The following MBD5 variants were observed in gnomAD, a reference collection of about 807,000 sequenced individuals.
MBD5 encodes methyl-CpG-binding domain protein 5.
Under a neutral mutation model 117.3 loss-of-function variants are expected in MBD5, and 13 were observed. That is an observed-to-expected ratio of 0.11 (90% CI 0.07 to 0.18). The LOEUF is 0.18. Among genes scored for constraint, MBD5 ranks in the 10% least tolerant of loss-of-function variants. MBD5 has a pLI of 1.00. For missense variants in MBD5, 1,879 were observed against 2,093.8 expected (o/e 0.90, Z 2.00); for synonymous variants, 727 against 766.4 (o/e 0.95, Z 0.85).
chr2:148,051,327 GGT>G (rs1491095033), intron 1 of MBD5, among the ~76,000 whole-genome samples: 1 of 108,260 alleles, frequency 9.2e-6, no homozygotes, highest in Admixed American at 9.7e-5. Flanking sequence ...GATTCTTCCG[GGT>G]TTTTTATACA....
chr2:148,328,117 G>A (rs1194996569), intron 3 of MBD5, among the ~76,000 whole-genome samples: 2 of 152,170 alleles, frequency 1.3e-5, no homozygotes, highest in East Asian at 3.9e-4. Context: ...GTGTCAGTCT[G>A]CCCCTGCTGG....
In MBD5 at chr2:148,469,549, C is replaced by G. The variant is rs748471992; in HGVS notation, c.1606C>G (p.Pro536Ala). 19 of 1,613,652 alleles carry G rather than the reference C, an allele frequency of 1.2e-5. No homozygotes were observed. The highest frequency in any genetic ancestry group is 3.3e-5 in the Admixed American group (2 of 59,976). The change falls in exon 8 of 14, where the codon CCA becomes GCA. Residue 536 changes from proline (P) to alanine (A), a missense_variant. Pro to Ala is a conservative substitution (Grantham distance 27). This residue lies in a region of MBD5 where 1,666 missense variants were observed against 1,792.2 expected (regional missense o/e 0.93). Transcript: ENST00000642680. ...TGGAATAAGTAATGTACTAAATACCCCAAGCAGTGCAGCTTTTCCTACTGC... is the reference window on the plus strand; with the variant it reads ...TGGAATAAGTAATGTACTAAATACCGCAAGCAGTGCAGCTTTTCCTACTGC... ...IAGISNVLNT[P>A]SSAAFPTASA...
intron 3 of MBD5, among the ~76,000 whole-genome samples, chr2:148,302,077 C>T (rs1701787170): frequency 6.6e-6 from 1 of 152,134 alleles, no homozygotes; most frequent in South Asian, 2.1e-4. Context: ...CCTACTGTAA[C>T]AATACTAGCT....
chr2:148,492,933 A>G (rs1574488489), intron 11 of MBD5, among the ~76,000 whole-genome samples: 1 of 152,002 alleles, frequency 6.6e-6, no homozygotes, highest in East Asian at 1.9e-4. Flanking sequence ...AGGTGAACCA[A>G]TTTTGATGTA....
At chr2:148,408,490 C>G (rs79525517) in intron 4 of MBD5, among the ~76,000 whole-genome samples, 1 of 152,048 alleles carries the variant, frequency 6.6e-6, no homozygotes, top group Admixed American at 6.6e-5. Context: ...TTTGTGTCAT[C>G]AAATAAAAAT....
chr2:148,299,796 C>G (rs1372343184), intron 3 of MBD5, among the ~76,000 whole-genome samples: 1 of 152,160 alleles, frequency 6.6e-6, no homozygotes, highest in African/African-American at 2.4e-5. Context: ...CTGTAGAGTA[C>G]ACTTTAAATG....
intron 1 of MBD5, among the ~76,000 whole-genome samples, chr2:148,041,777 A>T (rs1441230382): frequency 6.6e-6 from 1 of 152,124 alleles, no homozygotes; most frequent in African/African-American, 2.4e-5. Context: ...TCTGCTTTCC[A>T]CCCATCTTTC....
chr2:148,260,925 C>G (rs1700716843), intron 3 of MBD5, among the ~76,000 whole-genome samples: 1 of 152,194 alleles, frequency 6.6e-6, no homozygotes, highest in Non-Finnish European at 1.5e-5. Context: ...CATGAAAACA[C>G]ATTCGTCTCT....
intron 2 of MBD5, among the ~76,000 whole-genome samples, chr2:148,185,848 C>G (rs1347297759): frequency 6.6e-6 from 1 of 152,186 alleles, no homozygotes; most frequent in Non-Finnish European, 1.5e-5. Flanking sequence ...TTTCTAATGA[C>G]TATCTTTTCT....
At chr2:148,402,488 T>C (rs1307369810) in intron 4 of MBD5, among the ~76,000 whole-genome samples, 1 of 151,912 alleles carries the variant, frequency 6.6e-6, no homozygotes, top group African/African-American at 2.4e-5. Flanking sequence ...CCACCAAAAG[T>C]TTTCTTGTAT....
At chr2:148,241,311 T>A (rs1435894208) in intron 3 of MBD5, among the ~76,000 whole-genome samples, 1 of 152,188 alleles carries the variant, frequency 6.6e-6, no homozygotes, top group Non-Finnish European at 1.5e-5. Context: ...CTTAGGTGAC[T>A]TCCTTAGTAT....
chr2:148,444,973 T>G (rs1259753305), intron 4 of MBD5, among the ~76,000 whole-genome samples: 2 of 151,068 alleles, frequency 1.3e-5, no homozygotes, highest in Non-Finnish European at 2.9e-5. Context: ...TTATATAATA[T>G]AAATGCCACT....
chr2:148,442,028 T>A (rs1706341792), intron 4 of MBD5, among the ~76,000 whole-genome samples: 1 of 152,134 alleles, frequency 6.6e-6, no homozygotes, highest in Non-Finnish European at 1.5e-5. Context: ...ATGAGTAGAT[T>A]GCAAAAATTT....
At chr2:148,446,777 T>G (rs1016645101) in intron 4 of MBD5, among the ~76,000 whole-genome samples, 1 of 152,066 alleles carries the variant, frequency 6.6e-6, no homozygotes, top group African/African-American at 2.4e-5. Context: ...AGGATTATTT[T>G]ACCCAGGCTG....
intron 1 of MBD5, among the ~76,000 whole-genome samples, chr2:148,161,319 A>G (rs1404882628): frequency 6.6e-6 from 1 of 152,188 alleles, no homozygotes; most frequent in Non-Finnish European, 1.5e-5. Context: ...TGGACTTAGC[A>G]TCTCATTGAC....
chr2:148,023,857 G>A (rs1693831849), intron 1 of MBD5, among the ~76,000 whole-genome samples: 4 of 151,666 alleles, frequency 2.6e-5, no homozygotes, highest in Admixed American at 2.6e-4. Context: ...TATCTAAGTT[G>A]GATAATGATT....
chr2:148,230,145 TC>T (rs1342800846), intron 2 of MBD5, among the ~76,000 whole-genome samples: 1 of 152,118 alleles, frequency 6.6e-6, no homozygotes, highest in Non-Finnish European at 1.5e-5. Context: ...AGTGGCGGGT[TC>T]CCCAAGTCCC....
At chr2:148,408,580 C>T (rs1463885384) in intron 4 of MBD5, among the ~76,000 whole-genome samples, 1 of 151,998 alleles carries the variant, frequency 6.6e-6, no homozygotes, top group Non-Finnish European at 1.5e-5. Flanking sequence ...TGTATAAAGG[C>T]TTCTATTTAA....
At chr2:148,103,052 A>C (rs1446422999) in intron 1 of MBD5, among the ~76,000 whole-genome samples, 2 of 152,204 alleles carry the variant, frequency 1.3e-5, no homozygotes, top group East Asian at 3.8e-4. Flanking sequence ...ATTGTCTGTA[A>C]AAATATATAT....
Sources: allele counts gnomAD v4.1 joint callset (sites outside exome capture counted in the v4.1 genomes callset), GRCh38; gene constraint gnomAD v4.1.1; regional missense constraint gnomAD v4.1.1; transcripts MANE v1.5; gene names NCBI Gene and HGNC (gene_info 2026-07-23, HGNC 2026-07-21).